The following CADPS2 variants were observed in gnomAD, a reference collection of about 807,000 sequenced individuals.
CADPS2 encodes calcium-dependent secretion activator 2.
Under a neutral mutation model 172.5 loss-of-function variants are expected in CADPS2, and 93 were observed. The ratio of observed to expected loss-of-function variants is 0.54; its 90% confidence interval spans 0.46 to 0.64. CADPS2 has a LOEUF of 0.64. CADPS2 is among the 30% of genes least tolerant of loss of function. The pLI, the probability that CADPS2 is intolerant of heterozygous loss-of-function variation, is 0.00. For missense variants in CADPS2, 1,420 were observed against 1,565.9 expected, an observed-to-expected ratio of 0.91 and a Z score of 1.57; for synonymous variants, 546 against 555.2, an observed-to-expected ratio of 0.98 and a Z score of 0.23.
intron 25 of CADPS2, among the ~76,000 whole-genome samples, chr7:122,371,070 A>G (rs1364425120): frequency 1.3e-5 from 2 of 152,188 alleles, no homozygotes; most frequent in Admixed American, 1.3e-4. Flanking sequence ...TGTTCCCCAA[A>G]TGGGTTAGTA....
intron 8 of CADPS2, among the ~76,000 whole-genome samples, chr7:122,551,437 G>T (rs6971737): frequency 6.6e-6 from 1 of 151,702 alleles, no homozygotes; most frequent in Non-Finnish European, 1.5e-5. Context: ...AGAACACACA[G>T]AAAAATATAA....
chr7:122,846,368 C>G (rs192844411), intron 1 of CADPS2, among the ~76,000 whole-genome samples: 1 of 152,224 alleles, frequency 6.6e-6, no homozygotes, highest in Admixed American at 6.5e-5. Context: ...AAATACTTTA[C>G]AAATTTTGCA....
At chr7:122,374,983 T>C (rs1322679425) in intron 25 of CADPS2, among the ~76,000 whole-genome samples, 1 of 152,184 alleles carries the variant, frequency 6.6e-6, no homozygotes, top group African/African-American at 2.4e-5. Context: ...CTTAGAAATA[T>C]ACTTAACCAA....
chr7:122,715,411 G>C (rs1240755199), intron 2 of CADPS2, among the ~76,000 whole-genome samples: 1 of 152,022 alleles, frequency 6.6e-6, no homozygotes, highest in African/African-American at 2.4e-5. Flanking sequence ...TTGAGCTTGT[G>C]AATAAGACAC....
At chr7:122,329,784 C>T (rs752990855) in intron 28 of CADPS2, among the ~76,000 whole-genome samples, 3 of 152,106 alleles carry the variant, frequency 2.0e-5, no homozygotes, top group Non-Finnish European at 2.9e-5. Flanking sequence ...CATACTAATG[C>T]ACAATGCCTT....
chr7:122,429,018 T>C (rs1365302055), intron 17 of CADPS2, among the ~76,000 whole-genome samples: 1 of 152,062 alleles, frequency 6.6e-6, no homozygotes, highest in African/African-American at 2.4e-5. Flanking sequence ...AGTAAACATG[T>C]CACTTTAAGA....
intron 14 of CADPS2, among the ~76,000 whole-genome samples, chr7:122,458,808 A>T (rs935955242): frequency 6.6e-6 from 1 of 152,176 alleles, no homozygotes; most frequent in South Asian, 2.1e-4. Flanking sequence ...TCTTGGACTA[A>T]TCCAAACTGA....
At chr7:122,597,664 T>C (rs2072053584) in intron 6 of CADPS2, among the ~76,000 whole-genome samples, 1 of 152,124 alleles carries the variant, frequency 6.6e-6, no homozygotes, top group African/African-American at 2.4e-5. Context: ...AAATACAAAG[T>C]CCATTTGTAC....
At chr7:122,656,462 C>CA (rs1177354356) in intron 3 of CADPS2, among the ~76,000 whole-genome samples, 1 of 151,850 alleles carries the variant, frequency 6.6e-6, no homozygotes, top group Non-Finnish European at 1.5e-5. Flanking sequence ...GACAGGACTT[C>CA]AAAAAAAGAG....
At chr7:122,758,578 C>G (rs2093260576) in intron 1 of CADPS2, among the ~76,000 whole-genome samples, 1 of 152,076 alleles carries the variant, frequency 6.6e-6, no homozygotes, top group African/African-American at 2.4e-5. Flanking sequence ...TTTAAACAGG[C>G]ACATCATATC....
intron 3 of CADPS2, among the ~76,000 whole-genome samples, chr7:122,634,127 T>C (rs533953211): frequency 4.3e-4 from 65 of 152,234 alleles, no homozygotes; most frequent in Middle Eastern, 3.4e-3. Context: ...ATTAGGGATA[T>C]TGATTTCTTA....
intron 2 of CADPS2, chr7:122,697,810 T>C (rs750545657): frequency 6.3e-7 from 1 of 1,589,722 alleles, no homozygotes; most frequent in South Asian, 1.2e-5. Flanking sequence ...ATGAACATCT[T>C]CCACTACTGA....
rs2092746159 is a variant in CADPS2, at chr7:122,747,039, T to C, written c.340-9971A>G. 3.3e-5 allele frequency among the ~76,000 whole-genome samples: 5 copies of C among 152,082 alleles called. No individual in the cohort carries two copies. The South Asian group carries it at 1.0e-3, about 32-fold the overall frequency. On this transcript the variant is annotated intron_variant, in intron 1 of 29. Transcript: ENST00000449022. ...CCTCTAATGGTCCCCACTAACAATG[T>C]AACCTCATCAAAAGCAAATGTAAAC...
At chr7:122,789,486 TA>T (rs1415483203) in intron 1 of CADPS2, among the ~76,000 whole-genome samples, 3 of 152,294 alleles carry the variant, frequency 2.0e-5, no homozygotes, top group Non-Finnish European at 4.4e-5. Context: ...TTAAGGAATA[TA>T]AAAAGCTCAG....
At chr7:122,674,958 T>C (rs923873416) in intron 2 of CADPS2, among the ~76,000 whole-genome samples, 2 of 152,250 alleles carry the variant, frequency 1.3e-5, no homozygotes, top group African/African-American at 4.8e-5. Flanking sequence ...TCATGAAGCT[T>C]TGTAACTGTG....
chr7:122,341,261 G>T (rs773205462), intron 28 of CADPS2, among the ~76,000 whole-genome samples: 1 of 152,124 alleles, frequency 6.6e-6, no homozygotes, highest in Non-Finnish European at 1.5e-5. Context: ...TGCTTCTTTG[G>T]TGGGACACCT....
chr7:122,870,062 A>T (rs759693703), intron 1 of CADPS2, among the ~76,000 whole-genome samples: 19 of 152,050 alleles, frequency 1.2e-4, no homozygotes, highest in Non-Finnish European at 2.5e-4. Flanking sequence ...ATTAACCAGA[A>T]AATAATTAAC....
chr7:122,819,668 C>A (rs191975038), intron 1 of CADPS2, among the ~76,000 whole-genome samples: 29,794 of 151,590 alleles, frequency 0.2, 2,899 homozygotes, highest in Middle Eastern at 0.3. Context: ...CCCCACCTGC[C>A]CAGTTCCCTT....
intron 1 of CADPS2, among the ~76,000 whole-genome samples, chr7:122,883,855 G>A (rs1823588509): frequency 6.6e-6 from 1 of 152,090 alleles, no homozygotes; most frequent in South Asian, 2.1e-4. Context: ...TAGAATATAT[G>A]TTGTATTTTG....
Sources: allele counts gnomAD v4.1 joint callset (sites outside exome capture counted in the v4.1 genomes callset), GRCh38; gene constraint gnomAD v4.1.1; transcripts MANE v1.5; gene names NCBI Gene and HGNC (gene_info 2026-07-23, HGNC 2026-07-21).